BCL11A: variants seen among roughly 807,000 people sequenced by gnomAD.
BCL11A encodes the protein B cell CLL/lymphoma 11A.
In BCL11A, 2 loss-of-function variants were observed where a neutral mutation model predicts 55.9. The ratio of observed to expected loss-of-function variants is 0.04; its 90% CI spans 0.01 to 0.11. BCL11A has a LOEUF of 0.11. Ranked by LOEUF, BCL11A falls within the 10% of genes least tolerant of loss-of-function variation. The pLI is 1.00. For synonymous variants in BCL11A, 465 were observed against 473.4 expected, an observed-to-expected ratio of 0.98 and a Z score of 0.23; for missense variants, 817 against 1,137.1, an observed-to-expected ratio of 0.72 and a Z score of 4.05.
rs769283267 is a variant in BCL11A at position 60,460,947 on chromosome 2, C to T, written c.1965G>A (p.Val655=). The change falls in exon 4 of 4, where the codon GTG becomes GTA. Residue 655 remains valine (V), a synonymous_variant. Coordinates refer to ENST00000642384, the MANE Select transcript of BCL11A (RefSeq NM_022893.4). The part of the protein sequence containing the change: ...PPAAMPNTEN[V]YSQWLAGYAA... ...CGTAGCCGGCGAGCCACTGCGAGTA[C>T]ACGTTCTCCGTGTTGGGCATCGCGG... 1.9e-6 allele frequency: 3 copies of T among 1,612,912 alleles called. No individual in the cohort carries two copies.
intron 2 of BCL11A, chr2:60,543,442 T>C (rs922147330): frequency 2.0e-5 from 3 of 152,158 alleles, no homozygotes; most frequent in Admixed American, 6.5e-5. Context: ...TTCCTCATCA[T>C]AAAAAGAAAA....
At chr2:60,483,666 A>T (rs1046040407) in intron 2 of BCL11A, among the ~76,000 whole-genome samples, 1 of 152,258 alleles carries the variant, frequency 6.6e-6, no homozygotes, top group Non-Finnish European at 1.5e-5. Flanking sequence ...ATGAGCTGGC[A>T]TATTAGCAGA....
At chr2:60,498,677 G>A (rs554343947) in intron 2 of BCL11A, among the ~76,000 whole-genome samples, 1 of 152,292 alleles carries the variant, frequency 6.6e-6, no homozygotes, top group East Asian at 1.9e-4. Flanking sequence ...ACTCACATAA[G>A]ATCAGTAAAG....
chr2:60,519,507 C>T (rs955697814), intron 2 of BCL11A, among the ~76,000 whole-genome samples: 1 of 151,752 alleles, frequency 6.6e-6, no homozygotes, highest in African/African-American at 2.4e-5. Context: ...GGTGACTGCA[C>T]TCATGCTGCA....
rs926906315 is a variant in BCL11A, at chr2:60,493,386, C to T, written c.386-24553G>A. Among the ~76,000 whole-genome samples, 4 of 152,068 alleles carry T rather than the reference C, an allele frequency of 2.6e-5. No individual in the cohort carries two copies. The South Asian group carries it at 8.3e-4, about 32-fold the overall frequency. On this transcript the variant is annotated intron_variant, in intron 2 of 3. Transcript: ENST00000642384. Reference sequence around the variant, plus strand: ...GTTTTGAGTTTGAGTCCAGGGAGCCCTCATTTTGTCATCCTCCAGGCTGCC... The same window carrying T: ...GTTTTGAGTTTGAGTCCAGGGAGCCTTCATTTTGTCATCCTCCAGGCTGCC...
chr2:60,490,111 T>C (rs530178639), intron 2 of BCL11A, among the ~76,000 whole-genome samples: 1 of 152,176 alleles, frequency 6.6e-6, no homozygotes, highest in Admixed American at 6.5e-5. Flanking sequence ...AACAGACCCA[T>C]GTGCTAGGCT....
chr2:60,492,007 C>T (rs1400905581), intron 2 of BCL11A, among the ~76,000 whole-genome samples: 3 of 152,202 alleles, frequency 2.0e-5, no homozygotes, highest in Non-Finnish European at 4.4e-5. Context: ...CAAAAACCCT[C>T]ACTTTACAGG....
At chr2:60,462,621 G>A (rs1676381681) in intron 3 of BCL11A, among the ~76,000 whole-genome samples, 197 bp from the exon 4 acceptor site, 1 of 151,720 alleles carries the variant, frequency 6.6e-6, no homozygotes, top group Admixed American at 6.6e-5. Flanking sequence ...TGATCTTCCT[G>A]CCATTAAACT....
intron 2 of BCL11A, among the ~76,000 whole-genome samples, chr2:60,488,764 GTTTT>G (rs753902282): frequency 6.6e-6 from 1 of 151,700 alleles, no homozygotes; most frequent in Non-Finnish European, 1.5e-5. Context: ...TTGTTTGTTT[GTTTT>G]TTGTTTCTGA....
chr2:60,547,169 CTA>C (rs1453476242), intron 1 of BCL11A, among the ~76,000 whole-genome samples: 2 of 151,996 alleles, frequency 1.3e-5, no homozygotes, highest in African/African-American at 4.8e-5. Flanking sequence ...TTGGTGGCAT[CTA>C]TGATATAAAA....
At chr2:60,494,796 A>G (rs1678851542) in intron 2 of BCL11A, among the ~76,000 whole-genome samples, 2 of 152,220 alleles carry the variant, frequency 1.3e-5, no homozygotes, top group Non-Finnish European at 2.9e-5. Flanking sequence ...GCCTCCTGGT[A>G]TTTATTAGTT....
chr2:60,501,957 T>C (rs758654981), intron 2 of BCL11A, among the ~76,000 whole-genome samples: 6 of 152,190 alleles, frequency 3.9e-5, no homozygotes, highest in Non-Finnish European at 8.8e-5. Flanking sequence ...TACTAGTGAA[T>C]TATGGAATAA....
chr2:60,474,602 A>C (rs1677414845), intron 2 of BCL11A, among the ~76,000 whole-genome samples: 1 of 152,250 alleles, frequency 6.6e-6, no homozygotes, highest in Non-Finnish European at 1.5e-5. Context: ...CTTATCTAGG[A>C]GACTGAGAGG....
chr2:60,511,958 G>A (rs1680013973), intron 2 of BCL11A, among the ~76,000 whole-genome samples: 1 of 152,188 alleles, frequency 6.6e-6, no homozygotes, highest in Non-Finnish European at 1.5e-5. Context: ...CAATGTAGGT[G>A]TTCAAAGGCA....
chr2:60,495,373 A>T (rs1208704081), intron 2 of BCL11A, among the ~76,000 whole-genome samples: 1 of 152,188 alleles, frequency 6.6e-6, no homozygotes, highest in Admixed American at 6.5e-5. Flanking sequence ...CTATGTTATT[A>T]CCTGTATGGA....
In BCL11A at chr2:60,459,498, G is replaced by A; in HGVS notation, c.*906C>T. 1 of 1,021,300 alleles carries A rather than the reference G, an allele frequency of 9.8e-7. No individual in the cohort carries two copies. The highest frequency in any genetic ancestry group is 1.2e-6 in the Non-Finnish European group (1 of 850,856). 63.3% of individuals were successfully genotyped at this position (1,021,300 alleles called of 1,614,324 possible). On this transcript the variant is annotated 3_prime_UTR_variant, in exon 4 of 4. Coordinates refer to ENST00000642384, the MANE Select transcript of BCL11A (RefSeq NM_022893.4). ...TTTTGTTTATAAAATTAAACTAAAG[G>A]AAAAATGATGATTAACTAGGACATA...
downstream of BCL11A, chr2:60,452,456 G>A (rs192946504): frequency 7.2e-6 from 6 of 833,856 alleles, no homozygotes; most frequent in East Asian, 4.9e-5. Flanking sequence ...CTCTGTCTTC[G>A]CACAACGGCT....
intron 2 of BCL11A, among the ~76,000 whole-genome samples, chr2:60,508,382 C>T (rs181297627): frequency 2.5e-4 from 38 of 152,294 alleles, no homozygotes; most frequent in Middle Eastern, 6.8e-3. Flanking sequence ...GCCACAGGAG[C>T]AAGCACTGCA....
chr2:60,491,926 G>T (rs934759947), intron 2 of BCL11A, among the ~76,000 whole-genome samples: 1 of 152,206 alleles, frequency 6.6e-6, no homozygotes, highest in Non-Finnish European at 1.5e-5. Flanking sequence ...ATGAAGTTCA[G>T]ATATTGCATT....
Sources: allele counts gnomAD v4.1 joint callset (sites outside exome capture counted in the v4.1 genomes callset), GRCh38; gene constraint gnomAD v4.1.1; transcripts MANE v1.5; gene names NCBI Gene and HGNC (gene_info 2026-07-23, HGNC 2026-07-21).